Variants in COL7A1 observed in about 807,000 individuals in gnomAD.
The protein encoded by COL7A1 is collagen type VII alpha 1 chain, also known as collagen alpha-1(VII) chain.
A neutral mutation model predicts 456.2 loss-of-function variants in COL7A1; 296 were observed. The ratio of observed to expected loss-of-function variants is 0.65; its 90% confidence interval spans 0.59 to 0.71. The LOEUF (loss-of-function observed/expected upper bound fraction) is 0.71. COL7A1 is among the 30% of genes least tolerant of loss of function. The pLI is 0.00. For missense variants in COL7A1, 3,441 were observed against 4,017.2 expected (o/e 0.86, Z 3.88); for synonymous variants, 1,464 against 1,525.9 (o/e 0.96, Z 0.95).
chr3:48,566,276 G>A lies in COL7A1; in HGVS notation c.8398C>T (p.Gln2800Ter). 1 of 1,601,516 alleles carries A rather than the reference G, an allele frequency of 6.2e-7. No homozygotes were observed. Among genetic ancestry groups the A allele is most frequent in the Non-Finnish European group, 8.5e-7 (1 of 1,175,080 alleles). Residue 2800 changes from glutamine (Q) to a stop codon, truncating the protein, a stop_gained, in exon 114 of 119, where the codon CAG (glutamine) becomes TAG (stop). Coordinates refer to ENST00000681320, the MANE Select transcript of COL7A1 (RefSeq NM_000094.4). LOFTEE classifies it high-confidence loss of function. The surrounding 1 kb of genome is among the most constrained non-coding windows in gnomAD (Gnocchi z 5.9). Reference sequence around the variant, plus strand: ...GCTGGGCACCACTCACCACAGTGCTGACTCATCTCTTGGCGCACAAAGCCC... The same window carrying A: ...GCTGGGCACCACTCACCACAGTGCTAACTCATCTCTTGGCGCACAAAGCCC... ...IRGFVRQEMS[Q>*]HCACQGQFIA...
In COL7A1 at chr3:48,571,563, G is replaced by A. The variant is rs1423801415; in HGVS notation, c.7069-285C>T. On this transcript the variant is annotated intron_variant, in intron 92 of 118. Transcript: ENST00000681320. The surrounding 1 kb of genome is among the most constrained non-coding windows in gnomAD (Gnocchi z 4.6). ...AGTGCAGACATCTGGCTCCACAGAC[G>A]TGAGTGCGGACACACGGGCGCTCAG... is the stretch of plus-strand genomic sequence containing the variant. 3 of 683,970 alleles carry A rather than the reference G, an allele frequency of 4.4e-6. No homozygotes were observed. The highest frequency in any genetic ancestry group is 2.9e-5 in the East Asian group (1 of 34,510). The allele number at this position is 683,970 out of a possible 1,614,324, so 42.4% of individuals were successfully genotyped here.
In COL7A1 at chr3:48,590,413, C is replaced by T. The variant is rs375167326; in HGVS notation, c.1906+46G>A. On this transcript the variant is annotated intron_variant, in intron 15 of 118. Transcript: ENST00000681320. The surrounding 1 kb of genome is among the most constrained non-coding windows in gnomAD (Gnocchi z 4.6). Reference sequence around the variant, plus strand: ...CTGCCTGTCCCCTCTGGCACCCATACCCTCATTGGTCCCTTTGGCAGTCCC... The same window carrying T: ...CTGCCTGTCCCCTCTGGCACCCATATCCTCATTGGTCCCTTTGGCAGTCCC... The T allele has an allele frequency of 3.7e-6, 6 of 1,613,120 alleles. No homozygotes were observed. Among genetic ancestry groups the T allele is most frequent in the South Asian group, 1.1e-5 (1 of 91,076 alleles).
chr3:48,579,481 T>G lies in COL7A1; in HGVS notation c.5270A>C (p.Gln1757Pro), dbSNP rs747362452. 3 of 1,613,980 alleles carry G rather than the reference T, an allele frequency of 1.9e-6. No individual in the cohort carries two copies. In the Admixed American group the frequency reaches 5.0e-5, roughly 27 times the overall value. The change falls in exon 60 of 119, where the codon CAG (glutamine) becomes CCG (proline). Residue 1757 changes from glutamine to proline, a missense_variant and splice_region_variant. Gln to Pro is a moderately conservative substitution (Grantham distance 76). Transcript: ENST00000681320. This position sits in a 1 kb window ranked among gnomAD's most constrained non-coding sequence, Gnocchi z 4.4. ...IEGFRGPPGP[Q>P]GDPGVRGPAG... ...GACGGGGCAAAGTGCATCACTCACC[T>G]GTGGGCCTGGGGGTCCCCGAAACCC...
rs1170929677 is a variant in COL7A1 at position 48,588,916 on chromosome 3, C to T, written c.2394G>A (p.Gly798=). 6.2e-7 allele frequency: 1 copy of T among 1,613,640 alleles called. No individual in the cohort carries two copies. The highest frequency in any genetic ancestry group is 1.6e-4 in the Middle Eastern group (1 of 6,062). ...SSDVLRITWV[G]VTGATAYRLA... ...GTCTGTAAGCTGTGGCTCCAGTGAC[C>T]CCTACCCAGGTGATCCGTAGAACGT... Residue 798 remains glycine (G), a synonymous_variant, in exon 19 of 119, where the codon GGG becomes GGA. Transcript: ENST00000681320. The surrounding 1 kb of genome is among the most constrained non-coding windows in gnomAD (Gnocchi z 4.6).
rs758228449 is a variant in COL7A1 at position 48,579,089 on chromosome 3, C to T, written c.5388+108G>A. On this transcript the variant is annotated intron_variant, in intron 62 of 118. Transcript: ENST00000681320. This position sits in a 1 kb window ranked among gnomAD's most constrained non-coding sequence, Gnocchi z 4.4. ...GGGAGAAGACACAGACAACAGGTCT[C>T]GCCCCAGAGCTCGTCAAGGCCAAGA... 1.5e-4 allele frequency: 232 copies of T among 1,546,474 alleles called. No homozygotes were observed. The highest frequency in any genetic ancestry group is 1.1e-4 in the Non-Finnish European group (118 of 1,121,350).
Position 48,569,551 on chromosome 3 carries a change from C to T in COL7A1, c.7614+41G>A, listed in dbSNP as rs539930874. The T allele has an allele frequency of 1.8e-5, 29 of 1,613,262 alleles. No individual in the cohort carries two copies. The highest frequency in any genetic ancestry group is 2.7e-5 in the African/African-American group (2 of 74,888). ...TGGGCCAGCCCCACGGGGTCCCTCT[C>T]GCACCCAGGGGAGACCCAGTCCACA... On this transcript the variant is annotated intron_variant, in intron 102 of 118. Transcript: ENST00000681320. The surrounding 1 kb of genome is among the most constrained non-coding windows in gnomAD (Gnocchi z 4.9).
intron 65 of COL7A1, among the ~76,000 whole-genome samples, chr3:48,577,939 G>A (rs934963838): frequency 1.3e-5 from 2 of 152,172 alleles, no homozygotes; most frequent in Non-Finnish European, 2.9e-5. Context: ...AGGCCGAGGC[G>A]GGCGGATCAC....
intron 67 of COL7A1, 27 bp from the exon 68 acceptor site, chr3:48,576,798 A>G (rs779687634): frequency 6.2e-7 from 1 of 1,613,826 alleles, no homozygotes; most frequent in Non-Finnish European, 8.5e-7. Context: ...CAGCATCAGC[A>G]CCCTGAGACC....
chr3:48,582,803 C>T, intron 44 of COL7A1, 150 bp from the exon 45 acceptor site: 1 of 1,132,154 alleles, frequency 8.8e-7, no homozygotes, highest in Admixed American at 1.9e-5. Flanking sequence ...AGAACAGAGA[C>T]CAGGTCAGTG....
In COL7A1 at chr3:48,579,208, A is replaced by G. The variant is rs754985497; in HGVS notation, c.5377T>C (p.Ser1793Pro). 6.2e-7 allele frequency: 1 copy of G among 1,613,500 alleles called. No homozygotes were observed. Among genetic ancestry groups the G allele is most frequent in the South Asian group, 1.1e-5 (1 of 91,086 alleles). ...LDGKPGAAGPSGPNGAAGKAG... is the reference protein window; with the variant it reads ...LDGKPGAAGPPGPNGAAGKAG... Reference sequence around the variant, plus strand: ...CTACCAAGACTCACATTCGGCCCAGAGGGCCCAGCGGCTCCTGGTTTCCCA... The same window carrying G: ...CTACCAAGACTCACATTCGGCCCAGGGGGCCCAGCGGCTCCTGGTTTCCCA... Residue 1793 changes from serine (S) to proline (P), a missense_variant, in exon 62 of 119, where the codon TCT (serine) becomes CCT (proline). By Grantham distance (74) the Ser-to-Pro change is moderately conservative. Around this residue, in one of 3 missense-constraint regions of COL7A1, gnomAD observed 2,084 missense variants for 2,501.3 expected, o/e 0.83. Coordinates refer to ENST00000681320, the MANE Select transcript of COL7A1 (RefSeq NM_000094.4). This position sits in a 1 kb window ranked among gnomAD's most constrained non-coding sequence, Gnocchi z 4.4.
rs2044143775 is a variant in COL7A1, at chr3:48,574,354, C to G, written c.6457-48G>C. The stretch of plus-strand genomic sequence containing the variant: ...CTTAGTTTCCCAGTTCCAACTTCCC[C>G]TCCACCCACCATCCCCCTAGACAGA... On this transcript the variant is annotated intron_variant, in intron 79 of 118. Coordinates refer to ENST00000681320, the MANE Select transcript of COL7A1 (RefSeq NM_000094.4). This position sits in a 1 kb window ranked among gnomAD's most constrained non-coding sequence, Gnocchi z 5.0. The G allele has an allele frequency of 6.2e-7, 1 of 1,613,804 alleles. No individual in the cohort carries two copies. The highest frequency in any genetic ancestry group is 1.7e-5 in the Admixed American group (1 of 59,996).
Position 48,580,246 on chromosome 3 carries a change from C to T in COL7A1, c.5097+54G>A. ...CCCTTGTGTGAAGGCACACTGGCAGCAGCGCCAGGGGACCCTCCATCCCTT... is the reference window on the plus strand; with the variant it reads ...CCCTTGTGTGAAGGCACACTGGCAGTAGCGCCAGGGGACCCTCCATCCCTT... On this transcript the variant is annotated intron_variant, in intron 56 of 118. Coordinates refer to ENST00000681320, the MANE Select transcript of COL7A1 (RefSeq NM_000094.4). This position sits in a 1 kb window ranked among gnomAD's most constrained non-coding sequence, Gnocchi z 4.5. The T allele has an allele frequency of 1.3e-6, 2 of 1,591,852 alleles. No individual in the cohort carries two copies. Among genetic ancestry groups the T allele is most frequent in the East Asian group, 2.3e-5 (1 of 44,116 alleles).
Position 48,590,734 on chromosome 3 carries a change from C to T in COL7A1, c.1719G>A (p.Val573=). ...GGGGACCCACTCGAGCAGACACCCG[C>T]ACAGTGTAGCTAAGCCCAGCCTGAA... ...DDVQAGLSYT[V]RVSARVGPRE... Residue 573 remains valine (V), a synonymous_variant, in exon 14 of 119, where the codon GTG becomes GTA. Coordinates refer to ENST00000681320, the MANE Select transcript of COL7A1 (RefSeq NM_000094.4). This position sits in a 1 kb window ranked among gnomAD's most constrained non-coding sequence, Gnocchi z 4.6. 6.2e-7 allele frequency: 1 copy of T among 1,614,044 alleles called. No individual in the cohort carries two copies. The highest frequency in any genetic ancestry group is 8.5e-7 in the Non-Finnish European group (1 of 1,180,044).
rs2107767584 is a variant in COL7A1, at chr3:48,588,781, G to A, written c.2448C>T (p.Pro816=). 6.2e-7 allele frequency: 1 copy of A among 1,613,890 alleles called. No individual in the cohort carries two copies. Among genetic ancestry groups the A allele is most frequent in the African/African-American group, 1.3e-5 (1 of 75,068 alleles). Reference sequence around the variant, plus strand: ...TTCCTGGGAGTATCTGGTGCCTCATGGGGCCGCCTGGCCAGGTGGGCATAC... The same window carrying A: ...TTCCTGGGAGTATCTGGTGCCTCATAGGGCCGCCTGGCCAGGTGGGCATAC... The part of the protein sequence containing the change: ...RLAWGRSEGG[P]MRHQILPGNT... The change falls in exon 20 of 119, where the codon CCC becomes CCT. Residue 816 remains proline, a synonymous_variant. Transcript: ENST00000681320. The surrounding 1 kb of genome is among the most constrained non-coding windows in gnomAD (Gnocchi z 4.6).
Position 48,587,061 on chromosome 3 carries a change from G to T in COL7A1, c.3187C>A (p.Gln1063Lys). ...GCCTCCGCACGGTGAGCATTGTCTT[G>T]AGTGGCATGTGGTAGGAACACCACA... ...ADVVFLPHATQDNAHRAEATR... is the reference protein window; with the variant it reads ...ADVVFLPHATKDNAHRAEATR... The change falls in exon 25 of 119, where the codon CAA (glutamine) becomes AAA (lysine). Residue 1063 changes from glutamine to lysine, a missense_variant. Physicochemically the swap from Gln to Lys is moderately conservative, Grantham distance 53. This residue lies in a region of COL7A1 where 444 missense variants were observed against 427.6 expected (regional missense o/e 1.04). Coordinates refer to ENST00000681320, the MANE Select transcript of COL7A1 (RefSeq NM_000094.4). The surrounding 1 kb of genome is among the most constrained non-coding windows in gnomAD (Gnocchi z 6.1). The T allele has an allele frequency of 6.2e-7, 1 of 1,610,652 alleles. No individual in the cohort carries two copies. Among genetic ancestry groups the T allele is most frequent in the Non-Finnish European group, 8.5e-7 (1 of 1,178,502 alleles).
Position 48,591,831 on chromosome 3 carries a change from T to C in COL7A1, c.1358-9A>G. 1 of 1,614,132 alleles carries C rather than the reference T, an allele frequency of 6.2e-7. No homozygotes were observed. On this transcript the variant is annotated splice_polypyrimidine_tract_variant and intron_variant, in intron 11 of 118. Coordinates refer to ENST00000681320, the MANE Select transcript of COL7A1 (RefSeq NM_000094.4). The surrounding 1 kb of genome is among the most constrained non-coding windows in gnomAD (Gnocchi z 7.0). ...CTGCGGTGGCTCCAAGCCTGCAAGA[T>C]AACAGGGTCAGACCAGCAGAGGCCA...
Position 48,564,521 on chromosome 3 carries a change from A to G in COL7A1, c.8819-99T>C. 2 of 1,449,524 alleles carry G rather than the reference A, an allele frequency of 1.4e-6. No individual in the cohort carries two copies. The highest frequency in any genetic ancestry group is 1.9e-6 in the Non-Finnish European group (2 of 1,042,824). The allele number at this position is 1,449,524 out of a possible 1,614,324, so 89.8% of individuals were successfully genotyped here. ...AAGGGGAGGGAGCGGAGGCTACAAC[A>G]GGAAGTGGGGGCTCTGACCTCAGAG... On this transcript the variant is annotated intron_variant, in intron 118 of 118. Coordinates refer to ENST00000681320, the MANE Select transcript of COL7A1 (RefSeq NM_000094.4). This position sits in a 1 kb window ranked among gnomAD's most constrained non-coding sequence, Gnocchi z 6.0.
chr3:48,568,780 T>C lies in COL7A1; in HGVS notation c.7758+4A>G. On this transcript the variant is annotated splice_donor_region_variant and intron_variant, in intron 104 of 118. Transcript: ENST00000681320. The surrounding 1 kb of genome is among the most constrained non-coding windows in gnomAD (Gnocchi z 5.2). ...CCTGGGCCTGGGCCTGGGGCAGAAC[T>C]TGCCTGGGGTCCCAGGAGTCCACGC... 1 of 1,565,446 alleles carries C rather than the reference T, an allele frequency of 6.4e-7. No homozygotes were observed. Among genetic ancestry groups the C allele is most frequent in the Non-Finnish European group, 8.7e-7 (1 of 1,154,134 alleles).
rs779313417 is a variant in COL7A1 at position 48,566,509 on chromosome 3, C to T, written c.8358+1G>A. On this transcript the variant is annotated splice_donor_variant, in intron 113 of 118. Coordinates refer to ENST00000681320, the MANE Select transcript of COL7A1 (RefSeq NM_000094.4). LOFTEE classifies it high-confidence loss of function. This position sits in a 1 kb window ranked among gnomAD's most constrained non-coding sequence, Gnocchi z 5.9. ...CCAGGCCCATCCAGGCCCACACTCA[C>T]CGTCAGTGCAGCTTCTCCCTTCTCG... 6.2e-7 allele frequency: 1 copy of T among 1,614,038 alleles called. No individual in the cohort carries two copies. The highest frequency in any genetic ancestry group is 8.5e-7 in the Non-Finnish European group (1 of 1,179,984).
Sources: allele counts gnomAD v4.1 joint callset (sites outside exome capture counted in the v4.1 genomes callset), GRCh38; gene constraint gnomAD v4.1.1; regional missense constraint gnomAD v4.1.1; non-coding constraint Gnocchi (gnomAD v3.1); transcripts MANE v1.5; gene names NCBI Gene and HGNC (gene_info 2026-07-23, HGNC 2026-07-21).